The following FBXO36 variants were observed in gnomAD, a reference collection of about 807,000 sequenced individuals.
FBXO36 encodes the protein F-box protein 36.
FBXO36 carries 18 observed loss-of-function variants against 17.0 expected under a neutral mutation model. That is an observed-to-expected ratio of 1.06 (90% CI 0.73 to 1.57). FBXO36 has a LOEUF of 1.57. Ranked by LOEUF, FBXO36 falls within the 40% of genes most tolerant of loss-of-function variation. FBXO36 has a pLI of 0.00. For missense variants in FBXO36, 229 were observed against 221.9 expected, an observed-to-expected ratio of 1.03 and a Z score of -0.20; for synonymous variants, 83 against 85.3, an observed-to-expected ratio of 0.97 and a Z score of 0.15.
intron 1 of FBXO36, among the ~76,000 whole-genome samples, chr2:229,975,045 G>T (rs994311073): frequency 6.6e-6 from 1 of 152,082 alleles, no homozygotes; most frequent in Non-Finnish European, 1.5e-5. Context: ...CATAATATAA[G>T]ATATGTTTCA....
intron 1 of FBXO36, among the ~76,000 whole-genome samples, chr2:229,942,443 C>T (rs2077004333): frequency 6.6e-6 from 1 of 152,086 alleles, no homozygotes; most frequent in Admixed American, 6.6e-5. Flanking sequence ...CTTTGGGTTC[C>T]TCATTCTGGT....
chr2:229,999,459 T>C (rs1339697200), intron 3 of FBXO36, among the ~76,000 whole-genome samples: 1 of 148,650 alleles, frequency 6.7e-6, no homozygotes, highest in African/African-American at 2.5e-5. Context: ...TAGTACTTAA[T>C]ATATTCCTTT....
intron 1 of FBXO36, chr2:229,944,983 C>T (rs1483195368): frequency 2.0e-5 from 3 of 152,072 alleles, no homozygotes; most frequent in African/African-American, 7.2e-5. Flanking sequence ...TTGCAAACTT[C>T]AGTTTGAAAT....
chr2:229,952,762 A>T (rs1167211011), intron 1 of FBXO36, among the ~76,000 whole-genome samples: 1 of 152,142 alleles, frequency 6.6e-6, no homozygotes, highest in Non-Finnish European at 1.5e-5. Context: ...CAGTGTTGCC[A>T]AGAGGGTACC....
intron 2 of FBXO36, among the ~76,000 whole-genome samples, chr2:229,984,044 T>C (rs1171011949): frequency 6.6e-6 from 1 of 152,184 alleles, no homozygotes; most frequent in Non-Finnish European, 1.5e-5. Flanking sequence ...TTGAATTGTA[T>C]ATATGTTTAT....
At chr2:229,930,993 A>T (rs908091615) in intron 1 of FBXO36, among the ~76,000 whole-genome samples, 1 of 152,200 alleles carries the variant, frequency 6.6e-6, no homozygotes, top group African/African-American at 2.4e-5. Context: ...TGTTTGACAC[A>T]CTTCAGAAAA....
chr2:230,002,663 C>T (rs1414826708), intron 3 of FBXO36, among the ~76,000 whole-genome samples: 2 of 152,138 alleles, frequency 1.3e-5, no homozygotes, highest in East Asian at 1.9e-4. Context: ...GGATTACAGG[C>T]ATGCGCCACC....
chr2:229,989,278 AT>A (rs2077286154), intron 2 of FBXO36, among the ~76,000 whole-genome samples: 1 of 151,846 alleles, frequency 6.6e-6, no homozygotes, highest in South Asian at 2.1e-4. Context: ...TTTTTTTGAG[AT>A]GGAGTTTAGC....
chr2:229,999,638 A>G (rs1266551599), intron 3 of FBXO36, among the ~76,000 whole-genome samples: 1 of 151,690 alleles, frequency 6.6e-6, no homozygotes, highest in Admixed American at 6.6e-5. Flanking sequence ...TCAGCCTCCC[A>G]AAGTGCTGAG....
chr2:230,009,117 G>A (rs540900398), intron 3 of FBXO36, among the ~76,000 whole-genome samples: 3 of 152,278 alleles, frequency 2.0e-5, no homozygotes, highest in South Asian at 2.1e-4. Flanking sequence ...AGAAGTGAAC[G>A]TAGTGGTGTC....
rs761842878 is a variant in FBXO36, at chr2:229,976,252, A to G, written c.108A>G (p.Arg36=). ...LLVTRSQVIF[R]WWKISLRSEY... ...GTATTTAATTATAGGTAATCTTTAGATGGTGGAAGATCTCTCTAAGGAGTG... is the reference window on the plus strand; with the variant it reads ...GTATTTAATTATAGGTAATCTTTAGGTGGTGGAAGATCTCTCTAAGGAGTG... Residue 36 remains arginine, a synonymous_variant, in exon 2 of 4, where the codon AGA becomes AGG. Transcript: ENST00000283946. 1 of 1,601,596 alleles carries G rather than the reference A, an allele frequency of 6.2e-7. No individual in the cohort carries two copies. The highest frequency in any genetic ancestry group is 1.1e-5 in the South Asian group (1 of 88,086).
At chr2:229,959,196 A>G (rs1298026150) in intron 1 of FBXO36, among the ~76,000 whole-genome samples, 1 of 152,072 alleles carries the variant, frequency 6.6e-6, no homozygotes, top group Non-Finnish European at 1.5e-5. Flanking sequence ...TTAATTTTTA[A>G]TAAAAAGAGG....
At chr2:229,978,994 T>C (rs1183018620) in intron 2 of FBXO36, among the ~76,000 whole-genome samples, 1 of 151,840 alleles carries the variant, frequency 6.6e-6, no homozygotes, top group Non-Finnish European at 1.5e-5. Context: ...CTGGCCAACA[T>C]GGTGAAACCC....
chr2:229,992,313 A>G (rs1176777093), intron 2 of FBXO36, among the ~76,000 whole-genome samples: 1 of 152,040 alleles, frequency 6.6e-6, no homozygotes, highest in Non-Finnish European at 1.5e-5. Context: ...GCCCGCCTCC[A>G]TGCCCAGCTG....
intron 3 of FBXO36, among the ~76,000 whole-genome samples, chr2:230,000,634 T>C (rs2077353575): frequency 6.6e-6 from 1 of 151,996 alleles, no homozygotes; most frequent in Non-Finnish European, 1.5e-5. Context: ...TCTCCAAGTT[T>C]TACTCACTTC....
chr2:229,935,804 T>C (rs1010147259), intron 1 of FBXO36, among the ~76,000 whole-genome samples: 1 of 152,190 alleles, frequency 6.6e-6, no homozygotes, highest in African/African-American at 2.4e-5. Context: ...CTTCTGTGTA[T>C]CAAGTGCTAC....
chr2:229,967,363 C>T (rs1055401401), intron 1 of FBXO36, among the ~76,000 whole-genome samples: 4 of 152,176 alleles, frequency 2.6e-5, no homozygotes, highest in African/African-American at 9.7e-5. Flanking sequence ...ATTGAATACA[C>T]TTTATTTCTT....
chr2:230,010,428 G>C (rs2077409452), intron 3 of FBXO36, among the ~76,000 whole-genome samples: 1 of 152,206 alleles, frequency 6.6e-6, no homozygotes, highest in Admixed American at 6.5e-5. Flanking sequence ...TTGCACGAGG[G>C]AGTGTTGTGT....
At chr2:229,972,031 T>A (rs577033761) in intron 1 of FBXO36, among the ~76,000 whole-genome samples, 1 of 148,864 alleles carries the variant, frequency 6.7e-6, no homozygotes, top group African/African-American at 2.5e-5. Flanking sequence ...GTCTTGCTCT[T>A]GTCCCCGGCT....
Sources: allele counts gnomAD v4.1 joint callset (sites outside exome capture counted in the v4.1 genomes callset), GRCh38; gene constraint gnomAD v4.1.1; transcripts MANE v1.5; gene names NCBI Gene and HGNC (gene_info 2026-07-23, HGNC 2026-07-21).